Variants in MYL12B observed in about 807,000 individuals in gnomAD.
MYL12B encodes myosin light chain 12B.
MYL12B carries 3 observed loss-of-function variants against 12.9 expected under a neutral mutation model. The observed-to-expected ratio is 0.23, with a 90% confidence interval of 0.11 to 0.60. MYL12B has a LOEUF of 0.60. Among genes scored for constraint, MYL12B ranks in the 20% least tolerant of loss-of-function variants. The probability of loss-of-function intolerance (pLI) is 0.89; values close to 1 mark genes in which losing one functional copy is unlikely to be tolerated. For missense variants in MYL12B, 120 were observed against 215.4 expected (o/e 0.56, Z 2.77); for synonymous variants, 57 against 71.9 (o/e 0.79, Z 1.05).
chr18:3,274,395 A>C (rs2081711252), intron 2 of MYL12B, among the ~76,000 whole-genome samples: 1 of 152,220 alleles, frequency 6.6e-6, no homozygotes, highest in Admixed American at 6.5e-5. Flanking sequence ...ATACGTGTTA[A>C]AAGAACAATT....
At chr18:3,270,566 A>G (rs1354677647) in intron 1 of MYL12B, among the ~76,000 whole-genome samples, 2 of 152,264 alleles carry the variant, frequency 1.3e-5, no homozygotes, top group African/African-American at 2.4e-5. Context: ...CTGTCTTGGT[A>G]TCAGCTTCTT....
rs1024022584 is a variant in MYL12B at position 3,276,084 on chromosome 18, G to A, written c.185-1169G>A. Among the ~76,000 whole-genome samples, 11 of 151,868 alleles carry A rather than the reference G, an allele frequency of 7.2e-5. No homozygotes were observed. The South Asian group carries it at 1.5e-3, about 20-fold the overall frequency. ...GATGGTTCCTTAGATATGAATATCT[G>A]ACTAATAGATGTTCTTTTCATGTAA... On this transcript the variant is annotated intron_variant, in intron 2 of 3. Transcript: ENST00000237500.
chr18:3,272,364 TC>T (rs1368496204), intron 1 of MYL12B: 1 of 153,254 alleles, frequency 6.5e-6, no homozygotes, highest in African/African-American at 2.4e-5. Flanking sequence ...GAGTAAGAAA[TC>T]AACTTTGGAG....
rs1393372255 is a variant in MYL12B, at chr18:3,277,879, T to G, written c.461T>G (p.Phe154Cys). 8.1e-6 allele frequency: 13 copies of G among 1,613,988 alleles called. No homozygotes were observed. The highest frequency in any genetic ancestry group is 1.1e-5 in the Non-Finnish European group (13 of 1,180,014). The change falls in exon 4 of 4, where the codon TTC becomes TGC. Residue 154 changes from phenylalanine (F) to cysteine (C), a missense_variant. Phe to Cys is a radical substitution (Grantham distance 205). Transcript: ENST00000237500. The part of the protein sequence containing the change: ...REAPIDKKGN[F>C]NYIEFTRILK... ...GCACCTATTGACAAAAAGGGGAATT[T>G]CAATTACATCGAGTTCACACGCATC...
chr18:3,264,819 C>G (rs2081624328), intron 1 of MYL12B, among the ~76,000 whole-genome samples: 1 of 152,020 alleles, frequency 6.6e-6, no homozygotes, highest in Non-Finnish European at 1.5e-5. Context: ...CAGTGGTTGC[C>G]TATGGGAGAT....
At chr18:3,268,596 A>G (rs998730859) in intron 1 of MYL12B, among the ~76,000 whole-genome samples, 1 of 152,204 alleles carries the variant, frequency 6.6e-6, no homozygotes, top group Non-Finnish European at 1.5e-5. Flanking sequence ...TTTCTGGTGT[A>G]GATTGACTTG....
chr18:3,267,675 A>G (rs552251028), intron 1 of MYL12B, among the ~76,000 whole-genome samples: 29 of 152,320 alleles, frequency 1.9e-4, no homozygotes, highest in Middle Eastern at 3.4e-3. Context: ...AATTTTTATT[A>G]CAGTGTATTA....
intron 1 of MYL12B, among the ~76,000 whole-genome samples, chr18:3,268,530 A>G (rs2081652129): frequency 6.6e-6 from 1 of 152,216 alleles, no homozygotes; most frequent in Non-Finnish European, 1.5e-5. Context: ...GCACAGTTCC[A>G]GGGAGTGCCA....
chr18:3,277,517 A>G, intron 3 of MYL12B, 103 bp downstream of exon 3: 1 of 1,507,502 alleles, frequency 6.6e-7, no homozygotes, highest in Non-Finnish European at 8.9e-7. Context: ...ATATTTGCTT[A>G]AGAATAATTT....
At chr18:3,264,288 CTATACA>C (rs1448289479) in intron 1 of MYL12B, among the ~76,000 whole-genome samples, 1 of 152,086 alleles carries the variant, frequency 6.6e-6, no homozygotes, top group Non-Finnish European at 1.5e-5. Context: ...ACTGTGTATA[CTATACA>C]TATATTTATA....
Position 3,277,804 on chromosome 18 carries a change from C to T in MYL12B, c.386C>T (p.Thr129Ile). Reference sequence around the variant, plus strand: ...GATTACCTAAGAGAGCTGCTGACAACCATGGGGGATCGGTTTACAGATGAG... The same window carrying T: ...GATTACCTAAGAGAGCTGCTGACAATCATGGGGGATCGGTTTACAGATGAG... ...QEDYLRELLT[T>I]MGDRFTDEEV... Residue 129 changes from threonine to isoleucine, a missense_variant, in exon 4 of 4, where the codon ACC becomes ATC. Transcript: ENST00000237500. 1.9e-6 allele frequency: 3 copies of T among 1,613,808 alleles called. No homozygotes were observed. The highest frequency in any genetic ancestry group is 2.5e-6 in the Non-Finnish European group (3 of 1,179,890).
In MYL12B at chr18:3,275,376, A is replaced by G. The variant is rs545877410; in HGVS notation, c.185-1877A>G. Among the ~76,000 whole-genome samples the G allele has an allele frequency of 4.7e-4, 72 of 152,306 alleles. 1 individual carries two copies. Among genetic ancestry groups the G allele is most frequent in the African/African-American group, 1.7e-3 (70 of 41,548 alleles). On this transcript the variant is annotated intron_variant, in intron 2 of 3. Coordinates refer to ENST00000237500, the MANE Select transcript of MYL12B (RefSeq NM_033546.4). Reference sequence around the variant, plus strand: ...ATACAAAAGTATAGATAGAATGAATAAGATCTAGTATTGGATAGAATAACA... The same window carrying G: ...ATACAAAAGTATAGATAGAATGAATGAGATCTAGTATTGGATAGAATAACA...
intron 2 of MYL12B, chr18:3,276,519 A>G (rs1598810651): frequency 3.0e-6 from 3 of 985,172 alleles, no homozygotes; most frequent in African/African-American, 3.5e-5. Context: ...CCACAGTTCA[A>G]TGACATGTGT....
At chr18:3,271,041 A>G (rs1291689995) in intron 1 of MYL12B, among the ~76,000 whole-genome samples, 1 of 152,224 alleles carries the variant, frequency 6.6e-6, no homozygotes, top group African/African-American at 2.4e-5. Flanking sequence ...TACAAAAATT[A>G]CTTGCTGATA....
At chr18:3,268,501 C>T (rs1372290939) in intron 1 of MYL12B, among the ~76,000 whole-genome samples, 1 of 152,206 alleles carries the variant, frequency 6.6e-6, no homozygotes, top group African/African-American at 2.4e-5. Flanking sequence ...TGACTAAACC[C>T]AACCAGGGCT....
At chr18:3,263,006 T>C (rs2081606568) in intron 1 of MYL12B, 1 of 152,224 alleles carries the variant, frequency 6.6e-6, no homozygotes, top group South Asian at 2.1e-4. Context: ...CGTTTCCGGC[T>C]AGATGTGTGG....
intron 1 of MYL12B, chr18:3,272,130 T>C: frequency 1.0e-6 from 1 of 985,326 alleles, no homozygotes; most frequent in Non-Finnish European, 1.2e-6. Context: ...GCTAGAAAGA[T>C]GAAAGGGTGG....
intron 2 of MYL12B, 38 bp from the exon 3 acceptor site, chr18:3,277,215 G>T: frequency 6.7e-7 from 1 of 1,491,290 alleles, no homozygotes; most frequent in South Asian, 1.3e-5. Flanking sequence ...GAAATTAAAT[G>T]TTTTTGTCTT....
chr18:3,262,753 T>G (rs1246182918), intron 1 of MYL12B: 1 of 152,430 alleles, frequency 6.6e-6, no homozygotes, highest in African/African-American at 2.4e-5. Context: ...CGGTCTTGCC[T>G]AAGGTGAAGC....
Sources: gnomAD v4.1 joint callset for allele counts (sites outside exome capture counted in the v4.1 genomes callset) on GRCh38, gnomAD v4.1.1 for gene constraint, MANE v1.5 for transcripts, NCBI Gene and HGNC (gene_info 2026-07-23, HGNC 2026-07-21) for gene names.